The following NKAIN3 variants were observed in gnomAD, a reference collection of about 807,000 sequenced individuals.
The protein encoded by NKAIN3 is sodium/potassium-transporting ATPase subunit beta-1-interacting protein 3.
Under a neutral mutation model 30.2 loss-of-function variants are expected in NKAIN3, and 25 were observed. The ratio of observed to expected loss-of-function variants is 0.83; its 90% confidence interval spans 0.60 to 1.16. NKAIN3 has a LOEUF of 1.16. Among genes scored for constraint, NKAIN3 ranks in the 50% most tolerant of loss-of-function variants. NKAIN3 has a pLI of 0.00. For missense variants in NKAIN3, 225 were observed against 254.1 expected, an observed-to-expected ratio of 0.89 and a Z score of 0.78; for synonymous variants, 91 against 89.6, an observed-to-expected ratio of 1.02 and a Z score of -0.09.
rs555873591 is a variant in NKAIN3 at position 62,973,964 on chromosome 8, C to G, written c.*8557C>G. Among the ~76,000 whole-genome samples, 365 of 152,220 alleles carry G rather than the reference C, an allele frequency of 2.4e-3. 1 individual carries two copies. Among genetic ancestry groups the G allele is most frequent in the Non-Finnish European group, 3.5e-3 (238 of 68,008 alleles). ...TGTTTTTATCAGGTTTGTCAAAGAT[C>G]AGATGGTTGTAGATGTGTGGTGTTA... On this transcript the variant is annotated 3_prime_UTR_variant, in exon 7 of 7. Coordinates refer to ENST00000623646, the MANE Select transcript of NKAIN3 (RefSeq NM_001304533.3).
intron 1 of NKAIN3, among the ~76,000 whole-genome samples, chr8:62,407,102 A>C (rs1014664998): frequency 4.6e-5 from 7 of 152,094 alleles, no homozygotes; most frequent in Non-Finnish European, 8.8e-5. Flanking sequence ...ATTAATTTTA[A>C]TTGACTTTCC....
intron 1 of NKAIN3, among the ~76,000 whole-genome samples, chr8:62,498,888 A>G (rs1807327290): frequency 6.6e-6 from 1 of 152,130 alleles, no homozygotes; most frequent in Admixed American, 6.6e-5. Context: ...GATCTTTGCC[A>G]TACAATATTC....
At chr8:62,588,757 A>G (rs2130099617) in intron 2 of NKAIN3, among the ~76,000 whole-genome samples, 1 of 152,038 alleles carries the variant, frequency 6.6e-6, no homozygotes, top group East Asian at 1.9e-4. Context: ...AGTCTACTTA[A>G]GACATTAAGA....
At chr8:62,516,388 G>A (rs1251509601) in intron 1 of NKAIN3, among the ~76,000 whole-genome samples, 1 of 152,042 alleles carries the variant, frequency 6.6e-6, no homozygotes. Context: ...TGAGTTCTCT[G>A]TGTTACACCA....
chr8:62,997,758 A>ATT (rs1563659592), intron 5 of NKAIN3, among the ~76,000 whole-genome samples: 25 of 149,328 alleles, frequency 1.7e-4, no homozygotes, highest in Admixed American at 9.4e-4. Flanking sequence ...TTTTCTTTAA[A>ATT]AAAAAAAAAA....
chr8:62,846,266 A>T (rs2130766670), intron 4 of NKAIN3, among the ~76,000 whole-genome samples: 1 of 152,284 alleles, frequency 6.6e-6, no homozygotes, highest in South Asian at 2.1e-4. Context: ...GTTAAAAGAA[A>T]GTTTAGTTCC....
In NKAIN3 at chr8:62,498,587, C is replaced by G. The variant is rs150913690; in HGVS notation, c.55-80952C>G. 3.2e-3 allele frequency among the ~76,000 whole-genome samples: 492 copies of G among 151,982 alleles called. 2 individuals carry two copies. Among genetic ancestry groups the G allele is most frequent in the African/African-American group, 0.011 (467 of 41,450 alleles). Reference sequence around the variant, plus strand: ...CAAATTGCTTTGCCAAGTTCAAAGTCAATGAATGGTAAGGAACATTCTGCC... The same window carrying G: ...CAAATTGCTTTGCCAAGTTCAAAGTGAATGAATGGTAAGGAACATTCTGCC... On this transcript the variant is annotated intron_variant, in intron 1 of 6. Coordinates refer to ENST00000623646, the MANE Select transcript of NKAIN3 (RefSeq NM_001304533.3).
chr8:62,763,221 CAAAAAAAAAAAAAAAAAAAAAAAAAA>C (rs55873861), intron 4 of NKAIN3, among the ~76,000 whole-genome samples: 10 of 47,162 alleles, frequency 2.1e-4, no homozygotes, highest in South Asian at 2.1e-3. Context: ...GACTCCGTCT[CAAAAAAAAAAAAAAAAAAAAAAAAAA>C]AAAAAAAAAA....
intron 1 of NKAIN3, among the ~76,000 whole-genome samples, chr8:62,430,408 G>T (rs867425745): frequency 4.7e-5 from 5 of 105,322 alleles, no homozygotes; most frequent in South Asian, 3.4e-4. Context: ...TGTGTGTGTG[G>T]ATGGGTGTGT....
chr8:62,275,021 A>G (rs371678275), intron 1 of NKAIN3, among the ~76,000 whole-genome samples: 1 of 151,834 alleles, frequency 6.6e-6, no homozygotes, highest in Non-Finnish European at 1.5e-5. Context: ...TTGGTTCCAA[A>G]TCTTTGCTAT....
intron 3 of NKAIN3, among the ~76,000 whole-genome samples, chr8:62,620,820 C>T (rs1341073677): frequency 6.6e-6 from 1 of 152,114 alleles, no homozygotes; most frequent in Non-Finnish European, 1.5e-5. Context: ...GCTGACATTT[C>T]CCAAAGCTTT....
At position 62,598,644 on chromosome 8, in the gene NKAIN3, C is replaced by T. The variant is rs577677652; in HGVS notation, c.273+8850C>T. On this transcript the variant is annotated intron_variant, in intron 3 of 6. Coordinates refer to ENST00000623646, the MANE Select transcript of NKAIN3 (RefSeq NM_001304533.3). ...TTCTGTCTCTCTCCTTAGACCCTCCCTCTGTGTCTGCCTAGCCAGCCTCTA... is the reference window on the plus strand; with the variant it reads ...TTCTGTCTCTCTCCTTAGACCCTCCTTCTGTGTCTGCCTAGCCAGCCTCTA... Among the ~76,000 whole-genome samples, 14 of 152,146 alleles carry T rather than the reference C, an allele frequency of 9.2e-5. No individual in the cohort carries two copies. In the South Asian group the frequency reaches 2.7e-3, roughly 29 times the overall value.
At chr8:62,811,785 G>A (rs1268153493) in intron 4 of NKAIN3, among the ~76,000 whole-genome samples, 1 of 151,856 alleles carries the variant, frequency 6.6e-6, no homozygotes, top group African/African-American at 2.4e-5. Context: ...CTTATTTGCT[G>A]AATATGTGGT....
At chr8:62,806,628 A>T (rs1422269902) in intron 4 of NKAIN3, among the ~76,000 whole-genome samples, 1 of 151,922 alleles carries the variant, frequency 6.6e-6, no homozygotes, top group Non-Finnish European at 1.5e-5. Flanking sequence ...CACTGGAATG[A>T]GAACATCACA....
At chr8:62,998,506 C>T (rs1407103167) in intron 5 of NKAIN3, among the ~76,000 whole-genome samples, 1 of 152,140 alleles carries the variant, frequency 6.6e-6, no homozygotes, top group African/African-American at 2.4e-5. Flanking sequence ...AACTCCTGAC[C>T]TCAAGTGATC....
intron 1 of NKAIN3, among the ~76,000 whole-genome samples, chr8:62,462,234 C>A (rs754766206): frequency 2.0e-5 from 3 of 151,962 alleles, no homozygotes; most frequent in African/African-American, 7.3e-5. Flanking sequence ...TCCATTTTTT[C>A]AAAGAAGTTA....
chr8:62,788,096 C>A (rs543181518), intron 4 of NKAIN3, among the ~76,000 whole-genome samples: 1 of 152,208 alleles, frequency 6.6e-6, no homozygotes, highest in African/African-American at 2.4e-5. Context: ...AGTTCTAGAT[C>A]CCTGAGGAAT....
At chr8:62,729,644 T>C (rs1563535325) in intron 3 of NKAIN3, among the ~76,000 whole-genome samples, 1 of 152,140 alleles carries the variant, frequency 6.6e-6, no homozygotes, top group Non-Finnish European at 1.5e-5. Context: ...TTTTAAACTT[T>C]GTATAACTGA....
intron 4 of NKAIN3, among the ~76,000 whole-genome samples, chr8:62,836,021 A>G (rs1819350379): frequency 6.6e-6 from 1 of 152,074 alleles, no homozygotes; most frequent in African/African-American, 2.4e-5. Context: ...AAAAAGCACA[A>G]TCATGATCTT....
Sources: allele counts gnomAD v4.1 joint callset (sites outside exome capture counted in the v4.1 genomes callset), GRCh38; gene constraint gnomAD v4.1.1; transcripts MANE v1.5; gene names NCBI Gene and HGNC (gene_info 2026-07-23, HGNC 2026-07-21).